CEP70: variants seen among roughly 807,000 people sequenced by gnomAD.
CEP70 encodes the protein centrosomal protein of 70 kDa.
CEP70 carries 70 observed loss-of-function variants against 90.9 expected under a neutral mutation model. That is an observed-to-expected ratio of 0.77 (90% CI 0.64 to 0.94). CEP70 has a LOEUF of 0.94. CEP70 is among the 40% of genes least tolerant of loss of function. The pLI is 0.00. For synonymous variants in CEP70, 220 were observed against 228.3 expected, an observed-to-expected ratio of 0.96 and a Z score of 0.33; for missense variants, 648 against 669.0, an observed-to-expected ratio of 0.97 and a Z score of 0.35.
chr3:138,516,903 T>C (rs1189670534), intron 11 of CEP70, among the ~76,000 whole-genome samples: 2 of 152,192 alleles, frequency 1.3e-5, no homozygotes, highest in Non-Finnish European at 2.9e-5. Flanking sequence ...CCCATTCCCT[T>C]GAATCAAAGA....
chr3:138,521,522 A>T (rs1487369698), intron 11 of CEP70, among the ~76,000 whole-genome samples: 1 of 130,440 alleles, frequency 7.7e-6, no homozygotes, highest in Non-Finnish European at 1.6e-5. Context: ...TGTGGGGAGC[A>T]CCTATGCCCG....
intron 7 of CEP70, among the ~76,000 whole-genome samples, chr3:138,536,196 T>C (rs1177939286): frequency 2.0e-5 from 3 of 152,118 alleles, no homozygotes; most frequent in Non-Finnish European, 2.9e-5. Flanking sequence ...AGAGAGAATA[T>C]GTATATAATA....
chr3:138,548,278 AATC>A (rs1389182852), intron 6 of CEP70, among the ~76,000 whole-genome samples: 1 of 152,230 alleles, frequency 6.6e-6, no homozygotes, highest in African/African-American at 2.4e-5. Flanking sequence ...AAAGCCATAT[AATC>A]ATCTCAATTT....
At chr3:138,582,789 T>C (rs1387363453) in intron 2 of CEP70, among the ~76,000 whole-genome samples, 1 of 151,678 alleles carries the variant, frequency 6.6e-6, no homozygotes, top group Non-Finnish European at 1.5e-5. Flanking sequence ...AATAAATAAA[T>C]AAGATAATGG....
chr3:138,527,637 G>A (rs1376985757), intron 10 of CEP70, among the ~76,000 whole-genome samples: 1 of 149,630 alleles, frequency 6.7e-6, no homozygotes, highest in Admixed American at 6.7e-5. Context: ...AGAGGCTGCA[G>A]TGACCCAACA....
intron 2 of CEP70, among the ~76,000 whole-genome samples, chr3:138,591,393 C>T (rs2042377189): frequency 6.6e-6 from 1 of 151,672 alleles, no homozygotes; most frequent in Non-Finnish European, 1.5e-5. Flanking sequence ...AAGTCCAAAA[C>T]ATAGTTCCAA....
At chr3:138,552,078 A>G (rs2039661026) in intron 6 of CEP70, among the ~76,000 whole-genome samples, 1 of 152,228 alleles carries the variant, frequency 6.6e-6, no homozygotes, top group Non-Finnish European at 1.5e-5. Flanking sequence ...ACAGACAAAC[A>G]GGGACATTAT....
chr3:138,568,592 C>T (rs1409963733), intron 6 of CEP70, among the ~76,000 whole-genome samples: 1 of 152,096 alleles, frequency 6.6e-6, no homozygotes, highest in Non-Finnish European at 1.5e-5. Context: ...AGAGCAAGGT[C>T]AAAACCAATG....
intron 11 of CEP70, among the ~76,000 whole-genome samples, chr3:138,520,857 T>C (rs2036548993): frequency 6.6e-6 from 1 of 152,146 alleles, no homozygotes; most frequent in Non-Finnish European, 1.5e-5. Context: ...TCTCCCTCTG[T>C]TGCCAAGGCT....
intron 15 of CEP70, 68 bp from the exon 16 acceptor site, chr3:138,500,292 T>C: frequency 1.3e-6 from 2 of 1,506,228 alleles, no homozygotes; most frequent in Non-Finnish European, 1.8e-6. Flanking sequence ...AAACATTTTA[T>C]GCTTCAGTTA....
intron 11 of CEP70, among the ~76,000 whole-genome samples, chr3:138,520,798 T>TTTCACGGTCTCCCCCTCTCCCTC (rs2036541491): frequency 6.6e-6 from 1 of 151,942 alleles, no homozygotes; most frequent in African/African-American, 2.4e-5. Flanking sequence ...CCCTCTCCCT[T>TTTCACGGTCTCCCCCTCTCCCTC]TTCACGGTCT....
intron 6 of CEP70, among the ~76,000 whole-genome samples, chr3:138,543,050 T>C (rs1046045560): frequency 4.6e-5 from 7 of 152,114 alleles, no homozygotes; most frequent in African/African-American, 1.2e-4. Flanking sequence ...CATCATCCAA[T>C]TGGCCAAAAG....
chr3:138,530,128 A>G (rs1343988044), intron 8 of CEP70, among the ~76,000 whole-genome samples: 2 of 152,240 alleles, frequency 1.3e-5, no homozygotes, highest in East Asian at 3.8e-4. Context: ...AGCAATCTTG[A>G]TTAACTATCA....
At chr3:138,566,049 T>C (rs2040762423) in intron 6 of CEP70, among the ~76,000 whole-genome samples, 1 of 152,186 alleles carries the variant, frequency 6.6e-6, no homozygotes, top group South Asian at 2.1e-4. Context: ...AGAAGACATT[T>C]ATGTGGCCAA....
At chr3:138,563,474 G>C (rs1246316013) in intron 6 of CEP70, among the ~76,000 whole-genome samples, 3 of 152,086 alleles carry the variant, frequency 2.0e-5, no homozygotes, top group Non-Finnish European at 2.9e-5. Flanking sequence ...AAATGCAAAA[G>C]AACAGAAATC....
At chr3:138,576,191 T>C (rs1034829541) in intron 2 of CEP70, among the ~76,000 whole-genome samples, 3 of 152,150 alleles carry the variant, frequency 2.0e-5, no homozygotes, top group East Asian at 1.9e-4. Flanking sequence ...ATCAGTGTGC[T>C]GTATTCAGGA....
chr3:138,511,704 C>T (rs1314334034), intron 11 of CEP70, among the ~76,000 whole-genome samples: 2 of 152,154 alleles, frequency 1.3e-5, no homozygotes, highest in African/African-American at 4.8e-5. Flanking sequence ...TATTGGGAGC[C>T]TAATGATGAT....
At chr3:138,573,866 T>C (rs1174202951) in intron 2 of CEP70, among the ~76,000 whole-genome samples, 2 of 152,154 alleles carry the variant, frequency 1.3e-5, no homozygotes, top group African/African-American at 4.8e-5. Context: ...TGCTTGAGAA[T>C]TTCTAGGACA....
intron 17 of CEP70, chr3:138,496,464 T>C: frequency 1.0e-6 from 1 of 985,446 alleles, no homozygotes; most frequent in African/African-American, 1.7e-5. Flanking sequence ...AAGATCAAGG[T>C]ATTCCCTGAC....
Sources: allele counts gnomAD v4.1 joint callset (sites outside exome capture counted in the v4.1 genomes callset), GRCh38; gene constraint gnomAD v4.1.1; transcripts MANE v1.5; gene names NCBI Gene and HGNC (gene_info 2026-07-23, HGNC 2026-07-21).